The following CNTN3 variants were observed in gnomAD, a reference collection of about 807,000 sequenced individuals.
CNTN3 encodes the protein contactin 3, also known as contactin-3.
CNTN3 carries 60 observed loss-of-function variants against 119.1 expected under a neutral mutation model. The ratio of observed to expected loss-of-function variants is 0.50; its 90% CI spans 0.41 to 0.62. The LOEUF is 0.62. Among genes scored for constraint, CNTN3 ranks in the 20% least tolerant of loss-of-function variants. The probability of loss-of-function intolerance (pLI) is 0.00; values close to 1 mark genes in which losing one functional copy is unlikely to be tolerated. For missense variants in CNTN3, 1,101 were observed against 1,242.4 expected (o/e 0.89, Z 1.71); for synonymous variants, 450 against 438.7 (o/e 1.03, Z -0.32).
At chr3:74,274,170 G>C (rs542869385) in intron 20 of CNTN3, among the ~76,000 whole-genome samples, 8 of 151,982 alleles carry the variant, frequency 5.3e-5, no homozygotes, top group Non-Finnish European at 1.2e-4. Flanking sequence ...TGTAGGAGGA[G>C]GTCAGACACA....
intron 4 of CNTN3, among the ~76,000 whole-genome samples, chr3:74,451,380 A>G (rs1702151277): frequency 6.6e-6 from 1 of 151,878 alleles, no homozygotes; most frequent in Admixed American, 6.6e-5. Flanking sequence ...TTTCTTGTAA[A>G]TTTGTTTCAG....
chr3:74,318,205 TTCTC>T (rs1702883953), intron 13 of CNTN3, among the ~76,000 whole-genome samples: 1 of 152,342 alleles, frequency 6.6e-6, no homozygotes, highest in Admixed American at 6.5e-5. Context: ...CTTTAAGGAC[TTCTC>T]TGCGTTTGTT....
chr3:74,401,452 C>T (rs1705188629), intron 5 of CNTN3, among the ~76,000 whole-genome samples: 1 of 152,066 alleles, frequency 6.6e-6, no homozygotes, highest in Admixed American at 6.6e-5. Flanking sequence ...TGAATTTACA[C>T]ATTCTCCACT....
At chr3:74,575,606 A>AACACAC (rs71129762) in intron 1 of CNTN3, among the ~76,000 whole-genome samples, 6,878 of 134,996 alleles carry the variant, frequency 0.051, 251 homozygotes, top group East Asian at 0.14. Context: ...AGTCTCTCCC[A>AACACAC]ACACACACAC....
In CNTN3 at chr3:74,573,311, C is replaced by A. The variant is rs115551905; in HGVS notation, c.-81+41080G>T. On this transcript the variant is annotated intron_variant, in intron 1 of 22. Transcript: ENST00000263665. Reference sequence around the variant, plus strand: ...TTCTTTTTTTTTTTTTAGCCTGTCCCATCCCCCACTCCCATCCCATGCCAA... The same window carrying A: ...TTCTTTTTTTTTTTTTAGCCTGTCCAATCCCCCACTCCCATCCCATGCCAA... Among the ~76,000 whole-genome samples the A allele has an allele frequency of 6.4e-3, 974 of 151,676 alleles. 12 individuals carry two copies. Among genetic ancestry groups the A allele is most frequent in the African/African-American group, 0.022 (907 of 41,338 alleles).
chr3:74,342,466 T>C (rs1703571854), intron 11 of CNTN3, among the ~76,000 whole-genome samples: 1 of 152,168 alleles, frequency 6.6e-6, no homozygotes, highest in Non-Finnish European at 1.5e-5. Context: ...TTAATTAACC[T>C]AACTTTGAGT....
intron 1 of CNTN3, among the ~76,000 whole-genome samples, chr3:74,588,725 C>A (rs1704643975): frequency 6.6e-6 from 1 of 152,090 alleles, no homozygotes; most frequent in Admixed American, 6.6e-5. Context: ...GCTACAGTAA[C>A]CAAAACAGCA....
chr3:74,507,259 T>C (rs1379724800), intron 2 of CNTN3, among the ~76,000 whole-genome samples: 2 of 151,812 alleles, frequency 1.3e-5, no homozygotes, highest in African/African-American at 4.8e-5. Context: ...TCTCTATAAA[T>C]AAATAACAAT....
Position 74,499,031 on chromosome 3 carries a change from A to G in CNTN3, c.182+628T>C, listed in dbSNP as rs536301016. On this transcript the variant is annotated intron_variant, in intron 3 of 22. Transcript: ENST00000263665. ...CCATCATCATCCCCAAAATATCAAT[A>G]TTTTTTTCTTAAGGTGGTGGGAGTA... Among the ~76,000 whole-genome samples, 8 of 150,416 alleles carry G rather than the reference A, an allele frequency of 5.3e-5. No individual in the cohort carries two copies. In the South Asian group the frequency reaches 1.7e-3, roughly 32 times the overall value.
intron 13 of CNTN3, among the ~76,000 whole-genome samples, chr3:74,305,029 TAAC>T (rs1241472855): frequency 6.6e-6 from 1 of 152,228 alleles, no homozygotes; most frequent in Non-Finnish European, 1.5e-5. Flanking sequence ...AGATTTATCT[TAAC>T]AAAAGCGCAT....
At chr3:74,537,479 G>C (rs1703782801) in intron 1 of CNTN3, among the ~76,000 whole-genome samples, 1 of 152,074 alleles carries the variant, frequency 6.6e-6, no homozygotes, top group South Asian at 2.1e-4. Flanking sequence ...AATGCATTTG[G>C]GAACCACTAG....
chr3:74,590,200 A>G (rs185433193), intron 1 of CNTN3, among the ~76,000 whole-genome samples: 16 of 152,138 alleles, frequency 1.1e-4, no homozygotes, highest in Admixed American at 9.2e-4. Context: ...GAACTTTTCA[A>G]TAAAGAAAGT....
At chr3:74,271,038 C>T (rs1701765215) in intron 20 of CNTN3, among the ~76,000 whole-genome samples, 1 of 152,170 alleles carries the variant, frequency 6.6e-6, no homozygotes, top group Non-Finnish European at 1.5e-5. Context: ...CCTTAAGCAT[C>T]CATCATGATC....
At position 74,285,288 on chromosome 3, in the gene CNTN3, A is replaced by C; in HGVS notation, c.2704+17T>G. The C allele has an allele frequency of 6.3e-7, 1 of 1,585,242 alleles. No homozygotes were observed. Among genetic ancestry groups the C allele is most frequent in the Non-Finnish European group, 8.6e-7 (1 of 1,168,808 alleles). ...AACTATTTTCCGTACCATTCAAAGA[A>C]ATCAGAATATACTTACGCGTTTTCT... On this transcript the variant is annotated intron_variant, in intron 20 of 22. Transcript: ENST00000263665.
At chr3:74,398,164 A>C (rs1451170784) in intron 5 of CNTN3, among the ~76,000 whole-genome samples, 1 of 152,232 alleles carries the variant, frequency 6.6e-6, no homozygotes, top group East Asian at 1.9e-4. Flanking sequence ...GTTTTGAAAC[A>C]AGTTTTCCTC....
chr3:74,455,557 T>C (rs1702252166), intron 4 of CNTN3, among the ~76,000 whole-genome samples: 1 of 152,116 alleles, frequency 6.6e-6, no homozygotes, highest in South Asian at 2.1e-4. Flanking sequence ...CTGCGATCCT[T>C]TGGAGGAGGA....
chr3:74,274,146 A>G (rs1032859287), intron 20 of CNTN3, among the ~76,000 whole-genome samples: 4 of 152,064 alleles, frequency 2.6e-5, no homozygotes, highest in African/African-American at 9.7e-5. Flanking sequence ...CCCAGCAGCT[A>G]CGGCAAGACC....
chr3:74,475,664 T>C (rs576524897), intron 4 of CNTN3, among the ~76,000 whole-genome samples: 51 of 152,232 alleles, frequency 3.4e-4, no homozygotes, highest in Non-Finnish European at 5.7e-4. Flanking sequence ...GCTGGGCCTA[T>C]ACCTCACATG....
chr3:74,454,174 G>T lies in CNTN3; in HGVS notation c.359-29234C>A, dbSNP rs544248384. Among the ~76,000 whole-genome samples, 56 of 128,034 alleles carry T rather than the reference G, an allele frequency of 4.4e-4. 1 individual carries two copies. The highest frequency in any genetic ancestry group is 1.5e-3 in the African/African-American group (52 of 33,556). 84.0% of individuals were successfully genotyped at this position (128,034 alleles called of 152,430 possible). On this transcript the variant is annotated intron_variant, in intron 4 of 22. Transcript: ENST00000263665. ...TCTCTTTGTAGGTCACTCAGGACTT[G>T]CTTTATGAATCTGGGTGCTCCTGTA...
Sources: allele counts gnomAD v4.1 joint callset (sites outside exome capture counted in the v4.1 genomes callset), GRCh38; gene constraint gnomAD v4.1.1; transcripts MANE v1.5; gene names NCBI Gene and HGNC (gene_info 2026-07-23, HGNC 2026-07-21).